Variants in FOXK1 observed in about 807,000 individuals in gnomAD.
FOXK1 encodes the protein forkhead box K1.
A neutral mutation model predicts 51.9 loss-of-function variants in FOXK1; 19 were observed. That is an observed-to-expected ratio of 0.37 (90% CI 0.26 to 0.54). The LOEUF is 0.54. Ranked by LOEUF, FOXK1 falls within the 20% of genes least tolerant of loss-of-function variation. The pLI is 0.87. For synonymous variants in FOXK1, 537 were observed against 482.6 expected (o/e 1.11, Z -1.48); for missense variants, 870 against 1,032.7 (o/e 0.84, Z 2.16).
rs1781076756 is a variant in FOXK1, at chr7:4,769,993, C to T, written c.*7529C>T. 1 of 152,158 alleles carries T rather than the reference C, an allele frequency of 6.6e-6. No individual in the cohort carries two copies. 9.4% of individuals were successfully genotyped at this position (152,158 alleles called of 1,614,324 possible). A position where few individuals can be genotyped will look rare whatever the true frequency, so the allele number is the denominator to read the frequency against. ...CTGACAGCCAAGAAGAGTTTTCCTC[C>T]CTTCGGTGACAGGGCCTGCCCCTCC... On this transcript the variant is annotated 3_prime_UTR_variant, in exon 9 of 9. Transcript: ENST00000328914. The surrounding 1 kb of genome is among the most constrained non-coding windows in gnomAD (Gnocchi z 4.1).
Position 4,755,082 on chromosome 7 carries a change from G to C in FOXK1, c.904-155G>C, listed in dbSNP as rs1780828712. 3 of 862,012 alleles carry C rather than the reference G, an allele frequency of 3.5e-6. No homozygotes were observed. The highest frequency in any genetic ancestry group is 1.7e-5 in the African/African-American group (1 of 59,022). The allele number at this position is 862,012 out of a possible 1,614,324, so 53.4% of individuals were successfully genotyped here. A position where few individuals can be genotyped will look rare whatever the true frequency, so the allele number is the denominator to read the frequency against. On this transcript the variant is annotated intron_variant, in intron 3 of 8. Transcript: ENST00000328914. The surrounding 1 kb of genome is among the most constrained non-coding windows in gnomAD (Gnocchi z 6.6). ...AATGGTTGTTCCTAGTTGAATGCAA[G>C]CACATTAATGGGATAGTTGGAGGGC...
At position 4,770,337 on chromosome 7, in the gene FOXK1, C is replaced by G. The variant is rs1781081326; in HGVS notation, c.*7873C>G. The stretch of plus-strand genomic sequence containing the variant: ...ATCACCTGAGGAGTTTGAGACCAGC[C>G]TGACCAACATGGTGAAATCCTGTCT... On this transcript the variant is annotated 3_prime_UTR_variant, in exon 9 of 9. Transcript: ENST00000328914. The G allele has an allele frequency of 6.6e-6, 1 of 152,176 alleles. No individual in the cohort carries two copies. Among genetic ancestry groups the G allele is most frequent in the Non-Finnish European group, 1.5e-5 (1 of 68,058 alleles). The allele number at this position is 152,176 out of a possible 1,614,324, so 9.4% of individuals were successfully genotyped here. A position where few individuals can be genotyped will look rare whatever the true frequency, so the allele number is the denominator to read the frequency against.
chr7:4,736,804 G>A (rs181564995), intron 1 of FOXK1, among the ~76,000 whole-genome samples: 1 of 152,340 alleles, frequency 6.6e-6, no homozygotes, highest in Non-Finnish European at 1.5e-5. Flanking sequence ...CAGAAGCGCA[G>A]AGAGGTTAGG....
At chr7:4,718,747 CTCACCAGCATTTGCTGTATTTGT>C (rs1431507576) in intron 1 of FOXK1, among the ~76,000 whole-genome samples, 1 of 152,230 alleles carries the variant, frequency 6.6e-6, no homozygotes, top group African/African-American at 2.4e-5. Context: ...TCTCTGCAGC[CTCACCAGCATTTGCTGTATTTGT>C]TTTAATTTTA....
chr7:4,730,824 G>T lies in FOXK1; in HGVS notation c.561-10014G>T, dbSNP rs915373523. 1.3e-5 allele frequency among the ~76,000 whole-genome samples: 2 copies of T among 152,174 alleles called. No homozygotes were observed. The highest frequency in any genetic ancestry group is 2.9e-5 in the Non-Finnish European group (2 of 68,016). ...ATTTTAGGTTAAAAAATTTAAGGTT[G>T]TCAGAATTCTCTGATTTGGGGATTT... On this transcript the variant is annotated intron_variant, in intron 1 of 8. Transcript: ENST00000328914. This position sits in a 1 kb window ranked among gnomAD's most constrained non-coding sequence, Gnocchi z 4.7.
chr7:4,744,492 A>C (rs1326413152), intron 2 of FOXK1, among the ~76,000 whole-genome samples: 7 of 152,200 alleles, frequency 4.6e-5, no homozygotes, highest in African/African-American at 1.7e-4. Context: ...GCTTGTAAGC[A>C]AGAGCAGGCG....
At position 4,752,049 on chromosome 7, in the gene FOXK1, C is replaced by T. The variant is rs563700647; in HGVS notation, c.747-2410C>T. Among the ~76,000 whole-genome samples the T allele has an allele frequency of 6.6e-5, 10 of 152,332 alleles. No individual in the cohort carries two copies. In the South Asian group the frequency reaches 1.0e-3, roughly 16 times the overall value. Reference sequence around the variant, plus strand: ...CTCACTGCAGCCTCGACCTCCCAGGCTCAAGCCATCTTCCTGCCTCAGCCT... The same window carrying T: ...CTCACTGCAGCCTCGACCTCCCAGGTTCAAGCCATCTTCCTGCCTCAGCCT... On this transcript the variant is annotated intron_variant, in intron 2 of 8. Coordinates refer to ENST00000328914, the MANE Select transcript of FOXK1 (RefSeq NM_001037165.2).
intron 1 of FOXK1, among the ~76,000 whole-genome samples, chr7:4,727,960 C>T (rs1019783352): frequency 6.6e-6 from 1 of 152,160 alleles, no homozygotes; most frequent in Admixed American, 6.5e-5. Flanking sequence ...GTGTGTTTGC[C>T]GATTGGACTG....
At chr7:4,751,729 G>C (rs576202680) in intron 2 of FOXK1, among the ~76,000 whole-genome samples, 154 of 152,348 alleles carry the variant, frequency 1.0e-3, no homozygotes, top group African/African-American at 3.6e-3. Flanking sequence ...TGGTCCCTCA[G>C]CCCAGGTGGC....
Position 4,755,405 on chromosome 7 carries a change from C to T in FOXK1, c.1050+22C>T, listed in dbSNP as rs202240007. 7.4e-6 allele frequency: 12 copies of T among 1,612,310 alleles called. No homozygotes were observed. The highest frequency in any genetic ancestry group is 5.5e-5 in the South Asian group (5 of 91,048). On this transcript the variant is annotated intron_variant, in intron 4 of 8. Transcript: ENST00000328914. This position sits in a 1 kb window ranked among gnomAD's most constrained non-coding sequence, Gnocchi z 6.6. ...GCAGGTGAAGCCGAGTCCCCAGGGC[C>T]GGATCGCCTCTGAAGGCCCTTAGAA...
At position 4,729,317 on chromosome 7, in the gene FOXK1, C is replaced by T. The variant is rs892097649; in HGVS notation, c.561-11521C>T. Among the ~76,000 whole-genome samples the T allele has an allele frequency of 3.4e-4, 52 of 152,152 alleles. No individual in the cohort carries two copies. Among genetic ancestry groups the T allele is most frequent in the Non-Finnish European group, 6.2e-4 (42 of 68,036 alleles). On this transcript the variant is annotated intron_variant, in intron 1 of 8. Transcript: ENST00000328914. The surrounding 1 kb of genome is among the most constrained non-coding windows in gnomAD (Gnocchi z 6.2). ...TAGAAATGCAGATCGCTGGGGCCAC[C>T]GCCGTTTGGCCGTGTCAGTCATCTG...
Position 4,758,906 on chromosome 7 carries a change from G to C in FOXK1, c.1245-145G>C. ...AAGGCTGGGTTCAGGTTACGGGGGC[G>C]TTTCTCACCGTCTGAATGCGGAGGA... On this transcript the variant is annotated intron_variant, in intron 5 of 8. Transcript: ENST00000328914. This position sits in a 1 kb window ranked among gnomAD's most constrained non-coding sequence, Gnocchi z 4.4. 1.2e-6 allele frequency: 1 copy of C among 845,284 alleles called. No individual in the cohort carries two copies. The allele number at this position is 845,284 out of a possible 1,614,324, so 52.4% of individuals were successfully genotyped here. A position where few individuals can be genotyped will look rare whatever the true frequency, so the allele number is the denominator to read the frequency against.
In FOXK1 at chr7:4,683,365, G is replaced by T. The variant is rs549528236; in HGVS notation, c.560+497G>T. 2.0e-5 allele frequency among the ~76,000 whole-genome samples: 3 copies of T among 151,804 alleles called. No homozygotes were observed. Among genetic ancestry groups the T allele is most frequent in the East Asian group, 2.0e-4 (1 of 5,124 alleles). ...ACTCCCACTGGCCTGGATCCCTGGG[G>T]TCATCTACGTCCCTACCCTGCCTAA... On this transcript the variant is annotated intron_variant, in intron 1 of 8. Transcript: ENST00000328914. This position sits in a 1 kb window ranked among gnomAD's most constrained non-coding sequence, Gnocchi z 4.5.
chr7:4,757,756 GC>G (rs1406690928), intron 5 of FOXK1, among the ~76,000 whole-genome samples: 1 of 151,084 alleles, frequency 6.6e-6, no homozygotes, highest in Non-Finnish European at 1.5e-5. Context: ...ATGATTTAAA[GC>G]TTACAGGAGG....
At position 4,729,858 on chromosome 7, in the gene FOXK1, T is replaced by C. The variant is rs999100976; in HGVS notation, c.561-10980T>C. ...TACAAAAACTAGCCAGGCCTGGTAGTGGGTACCAGTAATCCTAGCTACTCG... is the reference window on the plus strand; with the variant it reads ...TACAAAAACTAGCCAGGCCTGGTAGCGGGTACCAGTAATCCTAGCTACTCG... On this transcript the variant is annotated intron_variant, in intron 1 of 8. Transcript: ENST00000328914. This position sits in a 1 kb window ranked among gnomAD's most constrained non-coding sequence, Gnocchi z 6.2. Among the ~76,000 whole-genome samples the C allele has an allele frequency of 5.9e-5, 9 of 152,066 alleles. No homozygotes were observed. Among genetic ancestry groups the C allele is most frequent in the African/African-American group, 1.9e-4 (8 of 41,396 alleles).
In FOXK1 at chr7:4,757,089, C is replaced by A; in HGVS notation, c.1146C>A (p.Asp382Glu). Residue 382 changes from aspartate to glutamate, a missense_variant, in exon 5 of 9, where the codon GAC (aspartate) becomes GAA (glutamate). Asp to Glu is a conservative substitution (Grantham distance 45). Transcript: ENST00000328914. ...GGAAGGGGTCCTTTTGGCGAATAGA[C>A]CCTGCCTCTGAAGCCAAGCTCGTGG... Reference protein sequence around the residue: ...EPGKGSFWRIDPASEAKLVEQ... With the variant: ...EPGKGSFWRIEPASEAKLVEQ... 2.5e-6 allele frequency: 4 copies of A among 1,613,874 alleles called. No homozygotes were observed. Among genetic ancestry groups the A allele is most frequent in the Admixed American group, 1.7e-5 (1 of 60,018 alleles).
chr7:4,744,580 T>G (rs2115063455), intron 2 of FOXK1, among the ~76,000 whole-genome samples: 1 of 152,338 alleles, frequency 6.6e-6, no homozygotes, highest in African/African-American at 2.4e-5. Flanking sequence ...CAGGTCAAGA[T>G]TTCATTCTTT....
rs1780716073 is a variant in FOXK1 at position 4,747,271 on chromosome 7, G to C, written c.746+6248G>C. Among the ~76,000 whole-genome samples the C allele has an allele frequency of 6.6e-6, 1 of 150,934 alleles. No individual in the cohort carries two copies. Among genetic ancestry groups the C allele is most frequent in the African/African-American group, 2.4e-5 (1 of 41,374 alleles). On this transcript the variant is annotated intron_variant, in intron 2 of 8. Coordinates refer to ENST00000328914, the MANE Select transcript of FOXK1 (RefSeq NM_001037165.2). This position sits in a 1 kb window ranked among gnomAD's most constrained non-coding sequence, Gnocchi z 9.2. ...TACGCACGAGGACAGCCCTTTCCGG[G>C]TTCCATGAGCCTCAGGGGAAGCAGG...
At position 4,748,866 on chromosome 7, in the gene FOXK1, G is replaced by T. The variant is rs1049337732; in HGVS notation, c.747-5593G>T. On this transcript the variant is annotated intron_variant, in intron 2 of 8. Transcript: ENST00000328914. The surrounding 1 kb of genome is among the most constrained non-coding windows in gnomAD (Gnocchi z 4.9). ...GCTAATTTTTGTATTTTTTGTAGAG[G>T]TGGGGTCTCCCCATGTTGCCCAGGC... Among the ~76,000 whole-genome samples, 1 of 151,970 alleles carries T rather than the reference G, an allele frequency of 6.6e-6. No homozygotes were observed. The highest frequency in any genetic ancestry group is 2.4e-5 in the African/African-American group (1 of 41,374).
Sources: allele counts gnomAD v4.1 joint callset (sites outside exome capture counted in the v4.1 genomes callset), GRCh38; gene constraint gnomAD v4.1.1; non-coding constraint Gnocchi (gnomAD v3.1); transcripts MANE v1.5; gene names NCBI Gene and HGNC (gene_info 2026-07-23, HGNC 2026-07-21).